The following DESI2 variants were observed in gnomAD, a reference collection of about 807,000 sequenced individuals.
DESI2 encodes the protein desumoylating isopeptidase 2, also known as deubiquitinase DESI2.
Under a neutral mutation model 24.1 loss-of-function variants are expected in DESI2, and 10 were observed. That is an observed-to-expected ratio of 0.41 (90% CI 0.26 to 0.70). DESI2 has a LOEUF of 0.70. DESI2 is among the 30% of genes least tolerant of loss of function. The pLI is 0.29. For missense variants in DESI2, 122 were observed against 234.9 expected (o/e 0.52, Z 3.14); for synonymous variants, 71 against 87.7 (o/e 0.81, Z 1.06).
At chr1:244,701,073 G>A (rs952278139) in intron 4 of DESI2, among the ~76,000 whole-genome samples, 3 of 152,102 alleles carry the variant, frequency 2.0e-5, no homozygotes, top group Admixed American at 2.0e-4. Flanking sequence ...AACTATTAAA[G>A]CACAAGAAGG....
Position 244,705,775 on chromosome 1 carries a change from C to CACA in DESI2, c.572_574dup (p.His191_Thr192insAsn). ...TGCAGCAGGCTCCAGACCCGGGCGCCACACTAAACTATAAATGTCTCCAAA... is the reference window on the plus strand; with the variant it reads ...TGCAGCAGGCTCCAGACCCGGGCGCCACAACACTAAACTATAAATGTCTCCAAA... On this transcript the variant is annotated inframe_insertion, in exon 5 of 5. Transcript: ENST00000302550. The CACA allele has an allele frequency of 6.2e-7, 1 of 1,609,686 alleles. No individual in the cohort carries two copies. Among genetic ancestry groups the CACA allele is most frequent in the South Asian group, 1.1e-5 (1 of 91,048 alleles).
At chr1:244,676,702 G>A (rs547887223) in intron 1 of DESI2, among the ~76,000 whole-genome samples, 139 of 150,434 alleles carry the variant, frequency 9.2e-4, no homozygotes, top group African/African-American at 3.3e-3. Context: ...TTTCATAGAT[G>A]TTCTTTATCA....
chr1:244,664,020 G>A (rs1422071041), intron 1 of DESI2, among the ~76,000 whole-genome samples: 2 of 89,374 alleles, frequency 2.2e-5, no homozygotes, highest in Non-Finnish European at 4.2e-5. Context: ...TCCGTCTCAG[G>A]AAAAAAAAAA....
intron 4 of DESI2, among the ~76,000 whole-genome samples, chr1:244,697,043 T>C (rs984245242): frequency 1.3e-5 from 2 of 152,216 alleles, no homozygotes; most frequent in African/African-American, 4.8e-5. Context: ...CCTTAAAGCT[T>C]GTGCCTGCTT....
chr1:244,680,186 G>A (rs1269671020), intron 1 of DESI2, among the ~76,000 whole-genome samples: 6 of 151,974 alleles, frequency 3.9e-5, no homozygotes, highest in Non-Finnish European at 1.5e-5. Context: ...AGTGGCTCAT[G>A]TCTGTAACCC....
intron 1 of DESI2, among the ~76,000 whole-genome samples, chr1:244,683,835 G>A (rs989422357): frequency 6.6e-6 from 1 of 150,964 alleles, no homozygotes; most frequent in Non-Finnish European, 1.5e-5. Context: ...TCCCACCTCA[G>A]CCTCCCAAGT....
intron 4 of DESI2, among the ~76,000 whole-genome samples, chr1:244,700,056 TCAAA>T (rs1413915506): frequency 1.1e-4 from 16 of 152,298 alleles, no homozygotes; most frequent in African/African-American, 2.2e-4. Context: ...AAACAAAAAC[TCAAA>T]CTAAGTTTTC....
chr1:244,698,632 T>C (rs550810695), intron 4 of DESI2, among the ~76,000 whole-genome samples: 2 of 152,340 alleles, frequency 1.3e-5, no homozygotes, highest in African/African-American at 4.8e-5. Flanking sequence ...AAACTTGACA[T>C]TGCCTCCTAC....
chr1:244,699,132 C>G (rs1168697921), intron 4 of DESI2, among the ~76,000 whole-genome samples: 1 of 152,142 alleles, frequency 6.6e-6, no homozygotes, highest in African/African-American at 2.4e-5. Context: ...ATGCAGCTGT[C>G]TCCAGAAATG....
chr1:244,705,783 A>G lies in DESI2; in HGVS notation c.579A>G (p.Lys193=). Residue 193 remains lysine, a synonymous_variant, in exon 5 of 5, where the codon AAA becomes AAG. Transcript: ENST00000302550. ...AAGSRPGRHT[K]L ...GCTCCAGACCCGGGCGCCACACTAAACTATAAATGTCTCCAAAGTCACACA... is the reference window on the plus strand; with the variant it reads ...GCTCCAGACCCGGGCGCCACACTAAGCTATAAATGTCTCCAAAGTCACACA... 6.2e-7 allele frequency: 1 copy of G among 1,606,956 alleles called. No individual in the cohort carries two copies. Among genetic ancestry groups the G allele is most frequent in the Non-Finnish European group, 8.5e-7 (1 of 1,178,252 alleles).
At chr1:244,696,148 C>T (rs1178372264) in intron 4 of DESI2, among the ~76,000 whole-genome samples, 2 of 152,128 alleles carry the variant, frequency 1.3e-5, no homozygotes, top group African/African-American at 2.4e-5. Flanking sequence ...GATGTCATCA[C>T]TCCTAAAATT....
chr1:244,696,733 C>T (rs1237511547), intron 4 of DESI2, among the ~76,000 whole-genome samples: 1 of 152,226 alleles, frequency 6.6e-6, no homozygotes, highest in Non-Finnish European at 1.5e-5. Flanking sequence ...CAGGATTGGT[C>T]CTGAGCTGGC....
chr1:244,675,129 G>A (rs955394835), intron 1 of DESI2, among the ~76,000 whole-genome samples: 2 of 151,928 alleles, frequency 1.3e-5, no homozygotes, highest in African/African-American at 4.8e-5. Flanking sequence ...TAGATCCTTT[G>A]CCCATTTTTT....
At chr1:244,659,508 G>A (rs1675765517) in intron 1 of DESI2, among the ~76,000 whole-genome samples, 1 of 152,162 alleles carries the variant, frequency 6.6e-6, no homozygotes. Context: ...CCTGCTGTCA[G>A]CTGGGATCCT....
At chr1:244,662,772 G>A (rs554494639) in intron 1 of DESI2, among the ~76,000 whole-genome samples, 256 of 152,292 alleles carry the variant, frequency 1.7e-3, no homozygotes, top group Non-Finnish European at 8.1e-4. Flanking sequence ...ATTCCTGAAA[G>A]GTGAAGTATA....
chr1:244,679,716 C>T (rs1676537584), intron 1 of DESI2, among the ~76,000 whole-genome samples: 2 of 151,906 alleles, frequency 1.3e-5, no homozygotes, highest in Admixed American at 6.6e-5. Flanking sequence ...ACTAAAAATA[C>T]AAAAATTATC....
intron 1 of DESI2, among the ~76,000 whole-genome samples, chr1:244,658,780 T>G (rs1675736668): frequency 6.6e-6 from 1 of 152,202 alleles, no homozygotes; most frequent in African/African-American, 2.4e-5. Context: ...TAGCTTTGAT[T>G]GTTGGACTAG....
intron 1 of DESI2, among the ~76,000 whole-genome samples, chr1:244,654,977 G>A (rs1402336931): frequency 6.6e-6 from 1 of 152,220 alleles, no homozygotes; most frequent in Non-Finnish European, 1.5e-5. Context: ...GAATTTGTGA[G>A]AATAGAGGAA....
At chr1:244,653,442 C>T (rs1027678882) in intron 1 of DESI2, 87 bp downstream of exon 1, 2 of 1,382,008 alleles carry the variant, frequency 1.4e-6, no homozygotes, top group African/African-American at 3.1e-5. Flanking sequence ...CCAGGCGCTT[C>T]CTGCCTGGCG....
Sources: gnomAD v4.1 joint callset for allele counts (sites outside exome capture counted in the v4.1 genomes callset) on GRCh38, gnomAD v4.1.1 for gene constraint, MANE v1.5 for transcripts, NCBI Gene and HGNC (gene_info 2026-07-23, HGNC 2026-07-21) for gene names.